Variants in SGIP1 observed in about 807,000 individuals in gnomAD.
SGIP1 encodes SH3GL interacting endocytic adaptor 1.
Under a neutral mutation model 107.5 loss-of-function variants are expected in SGIP1, and 38 were observed. The ratio of observed to expected loss-of-function variants is 0.35; its 90% CI spans 0.27 to 0.46. The LOEUF is 0.46. SGIP1 is among the 20% of genes least tolerant of loss of function. The probability of loss-of-function intolerance (pLI) is 1.00; values close to 1 mark genes in which losing one functional copy is unlikely to be tolerated. For synonymous variants in SGIP1, 365 were observed against 366.1 expected (o/e 1.00, Z 0.03); for missense variants, 929 against 1,019.5 (o/e 0.91, Z 1.21).
intron 7 of SGIP1, among the ~76,000 whole-genome samples, chr1:66,649,298 C>T (rs529892090): frequency 2.4e-4 from 36 of 152,292 alleles, no homozygotes; most frequent in African/African-American, 8.7e-4. Context: ...TAAACACAAA[C>T]AGAAACTTTG....
rs375924912 is a variant in SGIP1 at position 66,719,392 on chromosome 1, G to C, written c.1729G>C (p.Ala577Pro). The C allele has an allele frequency of 6.2e-7, 1 of 1,612,724 alleles. No individual in the cohort carries two copies. Among genetic ancestry groups the C allele is most frequent in the Non-Finnish European group, 8.5e-7 (1 of 1,179,272 alleles). The stretch of plus-strand genomic sequence containing the variant: ...AACAGTCAATGCCTATTTCAAAGGA[G>C]CAGACCCAAGCAAGTAAGCCTGATA... ...TETVNAYFKG[A>P]DPSKCIVKIT... The change falls in exon 19 of 25, where the codon GCA (alanine) becomes CCA (proline). Residue 577 changes from alanine to proline, a missense_variant. By Grantham distance (27) the Ala-to-Pro change is conservative (BLOSUM62 -1). This residue lies in a region of SGIP1 where 341 missense variants were observed against 430.9 expected (regional missense o/e 0.79). Coordinates refer to ENST00000371037, the MANE Select transcript of SGIP1 (RefSeq NM_032291.4).
Position 66,743,221 on chromosome 1 carries a change from C to A in SGIP1, c.*126C>A. The A allele has an allele frequency of 1.1e-6, 1 of 879,996 alleles. No homozygotes were observed. Among genetic ancestry groups the A allele is most frequent in the Non-Finnish European group, 1.8e-6 (1 of 559,124 alleles). The allele number at this position is 879,996 out of a possible 1,614,324, so 54.5% of individuals were successfully genotyped here. A position where few individuals can be genotyped will look rare whatever the true frequency, so the allele number is the denominator to read the frequency against. ...ACTTGGGATATATCAGGTGGAAAGT[C>A]AATGACTTTCATCTGTGATTTCCCT... On this transcript the variant is annotated 3_prime_UTR_variant, in exon 25 of 25. Transcript: ENST00000371037.
At chr1:66,584,562 C>CTT (rs11421933) in intron 1 of SGIP1, among the ~76,000 whole-genome samples, 4 of 151,996 alleles carry the variant, frequency 2.6e-5, no homozygotes, top group African/African-American at 4.8e-5. Context: ...GTTTTTTCTT[C>CTT]TTTTTTCATG....
chr1:66,553,897 A>C (rs1241225757), intron 1 of SGIP1, among the ~76,000 whole-genome samples: 1 of 151,796 alleles, frequency 6.6e-6, no homozygotes, highest in Non-Finnish European at 1.5e-5. Flanking sequence ...ACATTCTGGC[A>C]CTCTTGGGTT....
chr1:66,639,356 T>C lies in SGIP1; in HGVS notation c.172-421T>C, dbSNP rs919940349. ...TAGTTAATGACTTGGATGAGTACTC[T>C]TTGAATATGTTGTAACTAATTGTAT... is the stretch of plus-strand genomic sequence containing the variant. On this transcript the variant is annotated intron_variant, in intron 4 of 24. Transcript: ENST00000371037. Among the ~76,000 whole-genome samples, 14 of 152,334 alleles carry C rather than the reference T, an allele frequency of 9.2e-5. 1 individual carries two copies. Among genetic ancestry groups the C allele is most frequent in the African/African-American group, 3.4e-4 (14 of 41,588 alleles).
At chr1:66,626,068 T>C (rs569679422) in intron 2 of SGIP1, 158 bp downstream of exon 2, 22 of 433,702 alleles carry the variant, frequency 5.1e-5, no homozygotes, top group Admixed American at 8.7e-5. Context: ...TAAACAGTTC[T>C]TAGATTTATG....
chr1:66,672,699 G>A (rs997320942), intron 11 of SGIP1, among the ~76,000 whole-genome samples: 25 of 151,968 alleles, frequency 1.6e-4, no homozygotes, highest in African/African-American at 6.0e-4. Context: ...GAAGGGATGC[G>A]AGTTTAACTT....
intron 7 of SGIP1, among the ~76,000 whole-genome samples, chr1:66,649,225 T>G (rs2078247332): frequency 6.6e-6 from 1 of 151,066 alleles, no homozygotes; most frequent in Non-Finnish European, 1.5e-5. Flanking sequence ...CTGATCTGCC[T>G]TTTAGAGGAA....
chr1:66,673,418 T>A, intron 12 of SGIP1, 52 bp downstream of exon 12: 1 of 1,443,338 alleles, frequency 6.9e-7, no homozygotes, highest in Non-Finnish European at 9.4e-7. Context: ...TTTATTAAAG[T>A]ACAACTCTTC....
chr1:66,720,295 A>G (rs1384317657), intron 19 of SGIP1, among the ~76,000 whole-genome samples: 1 of 152,238 alleles, frequency 6.6e-6, no homozygotes, highest in Non-Finnish European at 1.5e-5. Context: ...ACTAAGTCAG[A>G]CTTATTTTCA....
At chr1:66,621,142 C>T (rs1408350787) in intron 1 of SGIP1, among the ~76,000 whole-genome samples, 1 of 152,154 alleles carries the variant, frequency 6.6e-6, no homozygotes, top group Non-Finnish European at 1.5e-5. Context: ...AAGCTTTTTG[C>T]AAACTTCTGA....
chr1:66,604,882 C>T (rs911325274), intron 1 of SGIP1, among the ~76,000 whole-genome samples: 4 of 152,156 alleles, frequency 2.6e-5, no homozygotes, highest in African/African-American at 9.7e-5. Context: ...TACTTTATCT[C>T]CTAAATAATT....
intron 12 of SGIP1, among the ~76,000 whole-genome samples, chr1:66,675,051 G>T (rs955310516): frequency 6.6e-6 from 1 of 152,130 alleles, no homozygotes; most frequent in African/African-American, 2.4e-5. Flanking sequence ...GAGGCTATCA[G>T]TTTCCTTATT....
rs560615037 is a variant in SGIP1, at chr1:66,566,301, C to A, written c.10+31933C>A. Among the ~76,000 whole-genome samples, 6 of 152,124 alleles carry A rather than the reference C, an allele frequency of 3.9e-5. No homozygotes were observed. The South Asian group carries it at 1.2e-3, about 31-fold the overall frequency. ...AAGAGTGATCCCTAGGGGCCATCAACTTTCTTAGGCACTGATTCTTATTCC... is the reference window on the plus strand; with the variant it reads ...AAGAGTGATCCCTAGGGGCCATCAAATTTCTTAGGCACTGATTCTTATTCC... On this transcript the variant is annotated intron_variant, in intron 1 of 24. Coordinates refer to ENST00000371037, the MANE Select transcript of SGIP1 (RefSeq NM_032291.4).
chr1:66,739,214 C>T (rs2094365791), intron 21 of SGIP1, 121 bp from the exon 22 acceptor site: 8 of 1,055,930 alleles, frequency 7.6e-6, no homozygotes, highest in Non-Finnish European at 1.1e-5. Flanking sequence ...TCACAGCACG[C>T]TTCACGGTGC....
chr1:66,695,292 CT>C, intron 17 of SGIP1, 141 bp from the exon 18 acceptor site: 1 of 1,361,670 alleles, frequency 7.3e-7, no homozygotes, highest in South Asian at 1.8e-5. Flanking sequence ...CCAGCCTTCC[CT>C]TTTTCCTGCA....
At chr1:66,631,992 A>G (rs902869301) in intron 2 of SGIP1, among the ~76,000 whole-genome samples, 1 of 152,162 alleles carries the variant, frequency 6.6e-6, no homozygotes, top group African/African-American at 2.4e-5. Flanking sequence ...CTTGTAATCC[A>G]GTTTTCCAAA....
intron 7 of SGIP1, among the ~76,000 whole-genome samples, chr1:66,650,433 G>T (rs552379382): frequency 6.6e-6 from 1 of 152,244 alleles, no homozygotes; most frequent in East Asian, 1.9e-4. Context: ...GCTAATACCA[G>T]AAATACTGAA....
intron 1 of SGIP1, among the ~76,000 whole-genome samples, chr1:66,608,536 C>T (rs1367781607): frequency 6.6e-6 from 1 of 152,172 alleles, no homozygotes; most frequent in African/African-American, 2.4e-5. Flanking sequence ...AATTAACACA[C>T]TGTGCTATAA....
Sources: gnomAD v4.1 joint callset for allele counts (sites outside exome capture counted in the v4.1 genomes callset) on GRCh38, gnomAD v4.1.1 for gene constraint, gnomAD v4.1.1 regional missense constraint, MANE v1.5 for transcripts, NCBI Gene and HGNC (gene_info 2026-07-23, HGNC 2026-07-21) for gene names.